The following SFMBT1 variants were observed in gnomAD, a reference collection of about 807,000 sequenced individuals.
The protein encoded by SFMBT1 is scm-like with four MBT domains protein 1.
Under a neutral mutation model 108.7 loss-of-function variants are expected in SFMBT1, and 32 were observed. The ratio of observed to expected loss-of-function variants is 0.29; its 90% CI spans 0.22 to 0.40. The LOEUF (loss-of-function observed/expected upper bound fraction) is 0.40, where lower values mean the gene tolerates loss of function less well. SFMBT1 is among the 10% of genes least tolerant of loss of function. The pLI is 1.00. For synonymous variants in SFMBT1, 348 were observed against 369.5 expected, an observed-to-expected ratio of 0.94 and a Z score of 0.67; for missense variants, 816 against 1,059.6, an observed-to-expected ratio of 0.77 and a Z score of 3.19.
chr3:52,926,133 C>A lies in SFMBT1; in HGVS notation c.1049-20G>T. ...GGTAGCCTAGGTGGGGACAAATGAACAATGAGTCACACTACCACACCACAT... is the reference window on the plus strand; with the variant it reads ...GGTAGCCTAGGTGGGGACAAATGAAAAATGAGTCACACTACCACACCACAT... On this transcript the variant is annotated intron_variant, in intron 9 of 20. Coordinates refer to ENST00000394752, the MANE Select transcript of SFMBT1 (RefSeq NM_016329.4). The A allele has an allele frequency of 6.2e-7, 1 of 1,602,750 alleles. No homozygotes were observed. Among genetic ancestry groups the A allele is most frequent in the Non-Finnish European group, 8.5e-7 (1 of 1,174,008 alleles).
At chr3:53,020,104 GAA>G (rs971385018) in intron 1 of SFMBT1, among the ~76,000 whole-genome samples, 1 of 147,544 alleles carries the variant, frequency 6.8e-6, no homozygotes, top group African/African-American at 2.5e-5. Context: ...TGAGTACCAA[GAA>G]AAAAAAAAGT....
intron 3 of SFMBT1, among the ~76,000 whole-genome samples, chr3:52,949,733 C>T (rs1703507045): frequency 1.3e-5 from 2 of 151,854 alleles, no homozygotes; most frequent in African/African-American, 2.4e-5. Flanking sequence ...GCATGCACCA[C>T]CACGCCTGGC....
intron 4 of SFMBT1, among the ~76,000 whole-genome samples, chr3:52,936,681 G>A (rs913047077): frequency 6.6e-6 from 1 of 152,130 alleles, no homozygotes; most frequent in African/African-American, 2.4e-5. Flanking sequence ...TATTTCCATG[G>A]AAATGGTATT....
At chr3:53,002,548 ATAAAC>A (rs1379341562) in intron 1 of SFMBT1, among the ~76,000 whole-genome samples, 1 of 150,312 alleles carries the variant, frequency 6.7e-6, no homozygotes, top group Non-Finnish European at 1.5e-5. Context: ...TTTAATTTGA[ATAAAC>A]TAAGTGCTCA....
chr3:53,039,125 T>C (rs1699955391), intron 1 of SFMBT1, among the ~76,000 whole-genome samples: 2 of 152,232 alleles, frequency 1.3e-5, no homozygotes, highest in Non-Finnish European at 2.9e-5. Context: ...AATAAGCAAG[T>C]GTGCCCAAAC....
chr3:52,943,364 T>C lies in SFMBT1; in HGVS notation c.353A>G (p.Glu118Gly), dbSNP rs755766084. 14 of 1,614,076 alleles carry C rather than the reference T, an allele frequency of 8.7e-6. No homozygotes were observed. Among genetic ancestry groups the C allele is most frequent in the African/African-American group, 1.3e-5 (1 of 74,946 alleles). ...AAGTATTTCATTACCTTCTGGGGCT[T>C]CAAGGGTCTTCTTATTCTGCTCACA... ...GWCEQNKKTL[E>G]APEGIRDKVS... Residue 118 changes from glutamate (E) to glycine (G), a missense_variant, in exon 4 of 21, where the codon GAA (glutamate) becomes GGA (glycine). Physicochemically the swap from Glu to Gly is moderately conservative, Grantham distance 98. Coordinates refer to ENST00000394752, the MANE Select transcript of SFMBT1 (RefSeq NM_016329.4).
At chr3:52,978,116 A>G (rs1391842662) in intron 1 of SFMBT1, among the ~76,000 whole-genome samples, 3 of 152,294 alleles carry the variant, frequency 2.0e-5, no homozygotes, top group East Asian at 1.9e-4. Context: ...TCTAAATGTC[A>G]TAAGTGATAG....
intron 1 of SFMBT1, among the ~76,000 whole-genome samples, chr3:53,004,530 C>T (rs1355707303): frequency 6.7e-6 from 1 of 149,998 alleles, no homozygotes; most frequent in Non-Finnish European, 1.5e-5. Context: ...CCTCGGCCTC[C>T]CAGAGTGCTG....
At chr3:52,962,368 T>C (rs1703988026) in intron 2 of SFMBT1, among the ~76,000 whole-genome samples, 2 of 152,200 alleles carry the variant, frequency 1.3e-5, no homozygotes, top group Non-Finnish European at 2.9e-5. Flanking sequence ...GTTGAATAAA[T>C]ATGGTATATG....
At chr3:53,007,485 T>G (rs1229236146) in intron 1 of SFMBT1, among the ~76,000 whole-genome samples, 2 of 151,910 alleles carry the variant, frequency 1.3e-5, no homozygotes, top group African/African-American at 4.8e-5. Flanking sequence ...AGTGCCAGAG[T>G]TGAGAAATTC....
chr3:52,980,440 A>AT (rs1559535505), intron 1 of SFMBT1, among the ~76,000 whole-genome samples: 1 of 152,112 alleles, frequency 6.6e-6, no homozygotes, highest in African/African-American at 2.4e-5. Context: ...GTTCTTACAC[A>AT]TTTTTCATGA....
chr3:52,953,952 C>T (rs1006767381), intron 3 of SFMBT1, among the ~76,000 whole-genome samples: 1 of 151,890 alleles, frequency 6.6e-6, no homozygotes, highest in Admixed American at 6.6e-5. Context: ...TGGTGAAACC[C>T]CATCTCTACT....
At chr3:52,942,172 CT>C (rs756993897) in intron 4 of SFMBT1, among the ~76,000 whole-genome samples, 3 of 152,118 alleles carry the variant, frequency 2.0e-5, no homozygotes, top group Non-Finnish European at 2.9e-5. Flanking sequence ...AACAATGTTC[CT>C]TTTAAAAAAC....
intron 1 of SFMBT1, among the ~76,000 whole-genome samples, chr3:53,006,182 GT>G: frequency 6.6e-6 from 1 of 152,312 alleles, no homozygotes; most frequent in South Asian, 2.1e-4. Flanking sequence ...TATACCAAGA[GT>G]TTGAATTTCA....
At position 52,986,505 on chromosome 3, in the gene SFMBT1, G is replaced by A. The variant is rs533264807; in HGVS notation, c.-130-17247C>T. 1.6e-4 allele frequency among the ~76,000 whole-genome samples: 25 copies of A among 151,934 alleles called. No homozygotes were observed. In the South Asian group the frequency reaches 1.9e-3, roughly 11 times the overall value. ...TTTTTGGTCGGGCGCCATGGCTCAC[G>A]TCTGTAATCCAATACTTTGGGAAGC... On this transcript the variant is annotated intron_variant, in intron 1 of 20. Coordinates refer to ENST00000394752, the MANE Select transcript of SFMBT1 (RefSeq NM_016329.4).
chr3:53,035,682 C>A (rs1238369272), intron 1 of SFMBT1, among the ~76,000 whole-genome samples: 1 of 152,172 alleles, frequency 6.6e-6, no homozygotes, highest in Non-Finnish European at 1.5e-5. Context: ...CTGAAACCCC[C>A]ACTTGCCAGG....
intron 8 of SFMBT1, 115 bp downstream of exon 8, chr3:52,930,214 G>A (rs892028868): frequency 2.1e-5 from 14 of 667,612 alleles, no homozygotes; most frequent in Middle Eastern, 2.5e-4. Flanking sequence ...CTAGCTGCAC[G>A]GCCTAGAAGG....
At chr3:52,935,291 G>C (rs563013134) in intron 4 of SFMBT1, among the ~76,000 whole-genome samples, 2 of 152,170 alleles carry the variant, frequency 1.3e-5, no homozygotes, top group Admixed American at 6.5e-5. Flanking sequence ...ATCTAAACCA[G>C]GATTTACAAG....
At chr3:52,918,165 C>A (rs756061657) in intron 13 of SFMBT1, among the ~76,000 whole-genome samples, 1 of 152,148 alleles carries the variant, frequency 6.6e-6, no homozygotes, top group Non-Finnish European at 1.5e-5. Flanking sequence ...ACAAATCATA[C>A]CCTAATTTAC....
Sources: gnomAD v4.1 joint callset for allele counts (sites outside exome capture counted in the v4.1 genomes callset) on GRCh38, gnomAD v4.1.1 for gene constraint, MANE v1.5 for transcripts, NCBI Gene and HGNC (gene_info 2026-07-23, HGNC 2026-07-21) for gene names.